The following ABLIM2 variants were observed in gnomAD, a reference collection of about 807,000 sequenced individuals.
ABLIM2 encodes actin binding LIM protein family member 2, also known as actin-binding LIM protein 2.
Under a neutral mutation model 97.7 loss-of-function variants are expected in ABLIM2, and 53 were observed. The observed-to-expected ratio is 0.54, with a 90% CI of 0.44 to 0.68. The LOEUF (loss-of-function observed/expected upper bound fraction) is 0.68. Among genes scored for constraint, ABLIM2 ranks in the 30% least tolerant of loss-of-function variants. The pLI, the probability that ABLIM2 is intolerant of heterozygous loss-of-function variation, is 0.00. For missense variants in ABLIM2, 835 were observed against 867.2 expected (o/e 0.96, Z 0.47); for synonymous variants, 361 against 345.8 (o/e 1.04, Z -0.49).
chr4:7,976,543 CA>C (rs1262239982), intron 20 of ABLIM2, among the ~76,000 whole-genome samples: 7 of 152,208 alleles, frequency 4.6e-5, no homozygotes, highest in Admixed American at 2.6e-4. Context: ...CAGGTCCAGA[CA>C]CCTCAGCTTT....
chr4:7,975,382 T>G (rs913558804), intron 20 of ABLIM2, among the ~76,000 whole-genome samples: 1 of 152,224 alleles, frequency 6.6e-6, no homozygotes, highest in Admixed American at 6.5e-5. Flanking sequence ...CCCTCTTCCA[T>G]GGGACAGCCC....
At chr4:8,011,104 C>T (rs1470168494) in intron 14 of ABLIM2, among the ~76,000 whole-genome samples, 4 of 152,200 alleles carry the variant, frequency 2.6e-5, no homozygotes, top group Non-Finnish European at 5.9e-5. Context: ...CCCTTGGGGA[C>T]CTGAAATCCC....
intron 12 of ABLIM2, among the ~76,000 whole-genome samples, chr4:8,024,199 C>T (rs575963059): frequency 4.6e-5 from 7 of 152,292 alleles, no homozygotes; most frequent in East Asian, 1.9e-4. Flanking sequence ...GTGGGCCCAC[C>T]GCTCAGCACA....
In ABLIM2 at chr4:8,106,468, ACTGCAG is replaced by A. The variant is rs1837462624; in HGVS notation, c.154+20_154+25del. The A allele has an allele frequency of 2.5e-6, 4 of 1,579,332 alleles. No individual in the cohort carries two copies. The highest frequency in any genetic ancestry group is 3.4e-6 in the Non-Finnish European group (4 of 1,162,720). On this transcript the variant is annotated intron_variant, in intron 2 of 20. Transcript: ENST00000447017. ...CTGGGAGGCCCGTTTCAGGGGCCAC[ACTGCAG>A]GGGACCGGGGGACACTCACCTTTAC...
chr4:8,154,598 A>C (rs1274457778), intron 1 of ABLIM2, among the ~76,000 whole-genome samples: 4 of 152,246 alleles, frequency 2.6e-5, no homozygotes, highest in African/African-American at 9.6e-5. Flanking sequence ...CTGTTTTCTT[A>C]AGCATTTTCT....
At chr4:8,117,718 A>G (rs1843425446) in intron 1 of ABLIM2, among the ~76,000 whole-genome samples, 1 of 152,088 alleles carries the variant, frequency 6.6e-6, no homozygotes, top group Non-Finnish European at 1.5e-5. Flanking sequence ...GAGAAGACCT[A>G]ACCGTACTGG....
chr4:8,129,910 GCTCAGAGACACTGGGGAGC>G, intron 1 of ABLIM2, among the ~76,000 whole-genome samples: 1 of 152,362 alleles, frequency 6.6e-6, no homozygotes, highest in Non-Finnish European at 1.5e-5. Flanking sequence ...CCTCTTCCAT[GCTCAGAGACACTGGGGAGC>G]CAACTGCACC....
rs1330436499 is a variant in ABLIM2, at chr4:8,149,194, C to A, written c.10+9486G>T. On this transcript the variant is annotated intron_variant, in intron 1 of 20. Coordinates refer to ENST00000447017, the MANE Select transcript of ABLIM2 (RefSeq NM_001130083.2). This position sits in a 1 kb window ranked among gnomAD's most constrained non-coding sequence, Gnocchi z 6.4. ...CAGAGCCAGGCGTGGAGACTTCTCT[C>A]TCCTCTCTGCTGCCTCCTGCCTCCC... is the stretch of plus-strand genomic sequence containing the variant. 6.6e-6 allele frequency among the ~76,000 whole-genome samples: 1 copy of A among 152,240 alleles called. No individual in the cohort carries two copies. Among genetic ancestry groups the A allele is most frequent in the Non-Finnish European group, 1.5e-5 (1 of 68,042 alleles).
At chr4:7,991,556 G>A (rs1293851490) in intron 17 of ABLIM2, among the ~76,000 whole-genome samples, 1 of 152,236 alleles carries the variant, frequency 6.6e-6, no homozygotes, top group African/African-American at 2.4e-5. Context: ...TAGGAGTCCT[G>A]TGGACATTGG....
chr4:7,977,275 A>C (rs879286107), intron 20 of ABLIM2, among the ~76,000 whole-genome samples: 3 of 152,132 alleles, frequency 2.0e-5, no homozygotes, highest in Non-Finnish European at 4.4e-5. Context: ...AGTCATGCAG[A>C]ACTGTGAGCA....
At position 8,054,371 on chromosome 4, in the gene ABLIM2, C is replaced by T. The variant is rs996995228; in HGVS notation, c.764-125G>A. 38 of 983,834 alleles carry T rather than the reference C, an allele frequency of 3.9e-5. No homozygotes were observed. Among genetic ancestry groups the T allele is most frequent in the East Asian group, 1.3e-4 (5 of 38,310 alleles). The allele number at this position is 983,834 out of a possible 1,614,324, so 60.9% of individuals were successfully genotyped here. On this transcript the variant is annotated intron_variant, in intron 7 of 20. Transcript: ENST00000447017. The surrounding 1 kb of genome is among the most constrained non-coding windows in gnomAD (Gnocchi z 4.9). ...GTGCACTCGGACTCCACCCTCCAAGCGGCCCTGAGCATCCTCTCTGTGCTG... is the reference window on the plus strand; with the variant it reads ...GTGCACTCGGACTCCACCCTCCAAGTGGCCCTGAGCATCCTCTCTGTGCTG...
intron 6 of ABLIM2, among the ~76,000 whole-genome samples, chr4:8,063,222 C>T (rs972260698): frequency 5.6e-4 from 86 of 152,330 alleles, no homozygotes; most frequent in African/African-American, 1.9e-3. Context: ...CACGCCACCA[C>T]GCCCAGCTAA....
In ABLIM2 at chr4:8,025,467, A is replaced by T. The variant is rs1224687212; in HGVS notation, c.1267+2292T>A. Among the ~76,000 whole-genome samples, 7 of 151,606 alleles carry T rather than the reference A, an allele frequency of 4.6e-5. No homozygotes were observed. In the East Asian group the frequency reaches 1.4e-3, roughly 29 times the overall value. On this transcript the variant is annotated intron_variant, in intron 12 of 20. Transcript: ENST00000447017. ...CCAAACTGGTGGTGGGTAGGTGGGC[A>T]CCCTCCTCTGCTACAAGGCGTGGAA... is the stretch of plus-strand genomic sequence containing the variant.
chr4:8,158,737 AC>A lies in ABLIM2; in HGVS notation c.-49del. Reference sequence around the variant, plus strand: ...GGCGGCCCGGCGCTGCGACAGCCAGACCCTCGGGCCCGCAGGTGCCGCGCCC... The same window carrying A: ...GGCGGCCCGGCGCTGCGACAGCCAGACCTCGGGCCCGCAGGTGCCGCGCCC... On this transcript the variant is annotated 5_prime_UTR_variant, in exon 1 of 21. Transcript: ENST00000447017. 3.6e-6 allele frequency: 5 copies of A among 1,391,486 alleles called. No homozygotes were observed. In the South Asian group the frequency reaches 7.8e-5, roughly 22 times the overall value. 86.2% of individuals were successfully genotyped at this position (1,391,486 alleles called of 1,614,324 possible). A position where few individuals can be genotyped will look rare whatever the true frequency, so the allele number is the denominator to read the frequency against.
At chr4:8,086,113 G>A (rs951711246) in intron 4 of ABLIM2, among the ~76,000 whole-genome samples, 6 of 152,150 alleles carry the variant, frequency 3.9e-5, no homozygotes, top group Admixed American at 1.3e-4. Flanking sequence ...CACAGAAATG[G>A]TTCTAAGCTC....
At chr4:8,016,522 C>T (rs1014823461) in intron 14 of ABLIM2, among the ~76,000 whole-genome samples, 2 of 152,176 alleles carry the variant, frequency 1.3e-5, no homozygotes, top group Admixed American at 6.5e-5. Context: ...AGAAAGGAAG[C>T]TCCCCACGAT....
In ABLIM2 at chr4:8,072,153, G is replaced by T; in HGVS notation, c.675+5475C>A. On this transcript the variant is annotated intron_variant, in intron 6 of 20. Transcript: ENST00000447017. This position sits in a 1 kb window ranked among gnomAD's most constrained non-coding sequence, Gnocchi z 5.8. Reference sequence around the variant, plus strand: ...CCCAGGAGGCCCTTTCTCCTCCACAGCAGAGGAGGAGGAAAAAACCCAGAC... The same window carrying T: ...CCCAGGAGGCCCTTTCTCCTCCACATCAGAGGAGGAGGAAAAAACCCAGAC... 1 of 791,580 alleles carries T rather than the reference G, an allele frequency of 1.3e-6. No homozygotes were observed. The highest frequency in any genetic ancestry group is 1.5e-6 in the Non-Finnish European group (1 of 652,828). The allele number at this position is 791,580 out of a possible 1,614,324, so 49.0% of individuals were successfully genotyped here.
chr4:8,144,007 C>T (rs1851413612), intron 1 of ABLIM2, among the ~76,000 whole-genome samples: 1 of 152,172 alleles, frequency 6.6e-6, no homozygotes, highest in South Asian at 2.1e-4. Context: ...AACCACCAGC[C>T]CCCACCCTGA....
In ABLIM2 at chr4:8,148,226, G is replaced by A. The variant is rs991955651; in HGVS notation, c.10+10454C>T. On this transcript the variant is annotated intron_variant, in intron 1 of 20. Coordinates refer to ENST00000447017, the MANE Select transcript of ABLIM2 (RefSeq NM_001130083.2). This position sits in a 1 kb window ranked among gnomAD's most constrained non-coding sequence, Gnocchi z 6.7. ...GCAGAAGCTCTCCTGTGGGGGCCCT[G>A]GGCCAGGCAGGTTCTGAAGGGCCCA... Among the ~76,000 whole-genome samples, 25 of 152,218 alleles carry A rather than the reference G, an allele frequency of 1.6e-4. No homozygotes were observed. The highest frequency in any genetic ancestry group is 1.6e-3 in the Admixed American group (25 of 15,286).
Sources: allele counts gnomAD v4.1 joint callset (sites outside exome capture counted in the v4.1 genomes callset), GRCh38; gene constraint gnomAD v4.1.1; non-coding constraint Gnocchi (gnomAD v3.1); transcripts MANE v1.5; gene names NCBI Gene and HGNC (gene_info 2026-07-23, HGNC 2026-07-21).